The following DPYSL3 variants were observed in gnomAD, a reference collection of about 807,000 sequenced individuals.
DPYSL3 encodes the protein dihydropyrimidinase-related protein 3.
Under a neutral mutation model 66.1 loss-of-function variants are expected in DPYSL3, and 16 were observed. The observed-to-expected ratio is 0.24, with a 90% CI of 0.16 to 0.37. The LOEUF (loss-of-function observed/expected upper bound fraction) is 0.37, where lower values mean the gene tolerates loss of function less well. Ranked by LOEUF, DPYSL3 falls within the 10% of genes least tolerant of loss-of-function variation. The pLI is 1.00. For missense variants in DPYSL3, 738 were observed against 916.2 expected (o/e 0.81, Z 2.51); for synonymous variants, 338 against 345.1 (o/e 0.98, Z 0.23).
At chr5:147,422,810 C>T (rs1055794612) in intron 2 of DPYSL3, among the ~76,000 whole-genome samples, 1 of 151,738 alleles carries the variant, frequency 6.6e-6, no homozygotes, top group Non-Finnish European at 1.5e-5. Flanking sequence ...ACAATGAGAA[C>T]ATATGGGCAC....
At chr5:147,493,901 CAAT>C (rs1753457670) in intron 1 of DPYSL3, among the ~76,000 whole-genome samples, 1 of 152,230 alleles carries the variant, frequency 6.6e-6, no homozygotes, top group African/African-American at 2.4e-5. Flanking sequence ...GGATATTAAA[CAAT>C]ATAACTGGCC....
chr5:147,449,203 G>A (rs1003496347), intron 1 of DPYSL3, among the ~76,000 whole-genome samples: 2 of 152,102 alleles, frequency 1.3e-5, no homozygotes, highest in African/African-American at 4.8e-5. Flanking sequence ...AACTGCTGCA[G>A]AGATCTGGGT....
rs190349455 is a variant in DPYSL3 at position 147,509,602 on chromosome 5, G to A, written c.257C>T (p.Pro86Leu). ...GSRPGIEGDT[P>L]RRGQGREESR... ...CTCTTCCCGGCCTTGGCCCCTGCGC[G>A]GGGTGTCCCCCTCGATCCCGGGCCG... The change falls in exon 1 of 14, where the codon CCG (proline) becomes CTG (leucine). Residue 86 changes from proline (P) to leucine (L), a missense_variant. By Grantham distance (98) the Pro-to-Leu change is moderately conservative (BLOSUM62 -3). Coordinates refer to ENST00000343218, the MANE Select transcript of DPYSL3 (RefSeq NM_001197294.2). The surrounding 1 kb of genome is among the most constrained non-coding windows in gnomAD (Gnocchi z 5.3). 1,815 of 1,535,502 alleles carry A rather than the reference G, an allele frequency of 1.2e-3. 16 individuals carry two copies. The African/African-American group carries it at 0.016, about 14-fold the overall frequency.
chr5:147,494,709 C>CAA (rs35761170), intron 1 of DPYSL3, among the ~76,000 whole-genome samples: 2,921 of 83,500 alleles, frequency 0.035, 119 homozygotes, highest in African/African-American at 0.1. Flanking sequence ...ACGAAAAATA[C>CAA]AAAAAAAAAA....
intron 1 of DPYSL3, among the ~76,000 whole-genome samples, chr5:147,500,691 G>A (rs1581220536): frequency 1.3e-5 from 2 of 150,682 alleles, no homozygotes; most frequent in South Asian, 4.2e-4. Flanking sequence ...AACAGACACA[G>A]ATGGCAACTA....
In DPYSL3 at chr5:147,405,742, A is replaced by T; in HGVS notation, c.1033-12T>A. 6.2e-7 allele frequency: 1 copy of T among 1,600,786 alleles called. No individual in the cohort carries two copies. The highest frequency in any genetic ancestry group is 8.5e-7 in the Non-Finnish European group (1 of 1,175,476). ...GCCTCAGCTTCCAGCTGCAAGAAAA[A>T]GTCTCCAGGAGTCAATAGAAACATG... On this transcript the variant is annotated splice_polypyrimidine_tract_variant and intron_variant, in intron 7 of 13. Coordinates refer to ENST00000343218, the MANE Select transcript of DPYSL3 (RefSeq NM_001197294.2).
chr5:147,404,935 T>A (rs1758291013), intron 8 of DPYSL3, among the ~76,000 whole-genome samples: 1 of 152,136 alleles, frequency 6.6e-6, no homozygotes, highest in Admixed American at 6.5e-5. Context: ...CCGGGGTGTT[T>A]ACTGGTCCAG....
rs1363687315 is a variant in DPYSL3 at position 147,408,772 on chromosome 5, C to G, written c.988G>C (p.Gly330Arg). Residue 330 changes from glycine (G) to arginine (R), a missense_variant, in exon 7 of 14, where the codon GGG becomes CGG. Coordinates refer to ENST00000343218, the MANE Select transcript of DPYSL3 (RefSeq NM_001197294.2). ...ACATGGCCTTCTGGGCCAGTTATCCCCATTTCCAACATGCGGGTTTGCTCC... is the reference window on the plus strand; with the variant it reads ...ACATGGCCTTCTGGGCCAGTTATCCGCATTTCCAACATGCGGGTTTGCTCC... Reference protein sequence around the residue: ...AQEQTRMLEMGITGPEGHVLS... With the variant: ...AQEQTRMLEMRITGPEGHVLS... 1.2e-6 allele frequency: 2 copies of G among 1,614,180 alleles called. No homozygotes were observed. The highest frequency in any genetic ancestry group is 1.7e-6 in the Non-Finnish European group (2 of 1,180,024).
chr5:147,401,596 G>C lies in DPYSL3; in HGVS notation c.1254C>G (p.Ser418=). ...TAGTTGGGTCAGGGCTCAGGGGTGG[G>C]GATGTCACAAATGCAGCCGCCTTGG... The part of the protein sequence containing the change: ...NWAKAAAFVT[S]PPLSPDPTTP... Residue 418 remains serine (S), a synonymous_variant, in exon 9 of 14, where the codon TCC becomes TCG. Transcript: ENST00000343218. 1 of 1,613,924 alleles carries C rather than the reference G, an allele frequency of 6.2e-7. No individual in the cohort carries two copies. The highest frequency in any genetic ancestry group is 8.5e-7 in the Non-Finnish European group (1 of 1,179,966).
intron 1 of DPYSL3, among the ~76,000 whole-genome samples, chr5:147,456,783 G>T (rs1448819110): frequency 7.9e-5 from 12 of 151,640 alleles, no homozygotes; most frequent in Non-Finnish European, 2.9e-5. Context: ...TAGAGAGGGG[G>T]TTTCACCATG....
chr5:147,405,555 G>A (rs1216132730), intron 8 of DPYSL3, 55 bp downstream of exon 8: 2 of 1,558,578 alleles, frequency 1.3e-6, no homozygotes, highest in African/African-American at 1.4e-5. Context: ...AACCAGAGAG[G>A]GAAGGAGCCA....
At chr5:147,506,076 C>T (rs61330765) in intron 1 of DPYSL3, among the ~76,000 whole-genome samples, 2,063 of 152,184 alleles carry the variant, frequency 0.014, 55 homozygotes, top group African/African-American at 0.045. Context: ...CTTTTGAGCA[C>T]TATTTAGTAT....
chr5:147,398,284 T>C (rs1758056854), intron 11 of DPYSL3, among the ~76,000 whole-genome samples: 2 of 152,192 alleles, frequency 1.3e-5, no homozygotes, highest in South Asian at 4.1e-4. Flanking sequence ...CCCTACCTCC[T>C]TCATTTACTC....
chr5:147,452,495 A>G (rs1694537701), intron 1 of DPYSL3, among the ~76,000 whole-genome samples: 1 of 151,644 alleles, frequency 6.6e-6, no homozygotes, highest in South Asian at 2.1e-4. Context: ...TAGACAAAGC[A>G]CAACCGCACT....
At chr5:147,467,070 C>T (rs1159792420) in intron 1 of DPYSL3, among the ~76,000 whole-genome samples, 2 of 152,152 alleles carry the variant, frequency 1.3e-5, no homozygotes, top group Non-Finnish European at 2.9e-5. Flanking sequence ...GACCTGAGCT[C>T]ACCTGGCCTC....
chr5:147,487,947 T>C (rs1010103455), intron 1 of DPYSL3, among the ~76,000 whole-genome samples: 1 of 152,116 alleles, frequency 6.6e-6, no homozygotes, highest in African/African-American at 2.4e-5. Flanking sequence ...ACTCCCTGGG[T>C]GGTATATAGG....
intron 1 of DPYSL3, among the ~76,000 whole-genome samples, chr5:147,498,103 A>G (rs532786508): frequency 6.6e-6 from 1 of 152,048 alleles, no homozygotes; most frequent in East Asian, 1.9e-4. Context: ...CCACCCTCCA[A>G]TAGGCCCCAG....
intron 1 of DPYSL3, among the ~76,000 whole-genome samples, chr5:147,451,181 C>T (rs570308329): frequency 6.6e-6 from 1 of 152,252 alleles, no homozygotes; most frequent in East Asian, 1.9e-4. Flanking sequence ...TTCCTTATCC[C>T]CAAAGACCAA....
chr5:147,493,390 T>C (rs774608404), intron 1 of DPYSL3, among the ~76,000 whole-genome samples: 4 of 152,066 alleles, frequency 2.6e-5, no homozygotes, highest in South Asian at 2.1e-4. Flanking sequence ...CTGAGAAACA[T>C]AGGGAGACAG....
Sources: gnomAD v4.1 joint callset for allele counts (sites outside exome capture counted in the v4.1 genomes callset) on GRCh38, gnomAD v4.1.1 for gene constraint, Gnocchi (gnomAD v3.1) non-coding constraint, MANE v1.5 for transcripts, NCBI Gene and HGNC (gene_info 2026-07-23, HGNC 2026-07-21) for gene names.